Variants in FGGY observed in about 807,000 individuals in gnomAD.
FGGY encodes the protein FGGY carbohydrate kinase domain containing, also known as FGGY carbohydrate kinase domain-containing protein.
A neutral mutation model predicts 71.3 loss-of-function variants in FGGY; 72 were observed. The observed-to-expected ratio is 1.01, with a 90% CI of 0.84 to 1.23. FGGY has a LOEUF of 1.23. FGGY is among the 50% of genes most tolerant of loss of function. The pLI is 0.00. For synonymous variants in FGGY, 251 were observed against 250.3 expected (o/e 1.00, Z -0.02); for missense variants, 668 against 682.3 (o/e 0.98, Z 0.23).
intron 5 of FGGY, among the ~76,000 whole-genome samples, chr1:59,447,823 C>T (rs1260984413): frequency 6.6e-6 from 1 of 152,148 alleles, no homozygotes; most frequent in Non-Finnish European, 1.5e-5. Flanking sequence ...TTATAAATTA[C>T]CCAGTCTCAG....
chr1:59,435,745 CGTGTGTGTGTGTGTGTGT>C (rs10563712), intron 5 of FGGY, among the ~76,000 whole-genome samples: 34 of 142,248 alleles, frequency 2.4e-4, no homozygotes, highest in Non-Finnish European at 3.5e-4. Context: ...TGTGTGCCTG[CGTGTGTGTGTGTGTGTGT>C]GTGTGTGTGT....
rs541417076 is a variant in FGGY at position 59,431,783 on chromosome 1, A to G, written c.555-25178A>G. ...TCCAGGTTTGTGACACAGAGCTCCT[A>G]AAAGCCTTGTAATTTCCAGAGTGAT... On this transcript the variant is annotated intron_variant, in intron 5 of 15. Coordinates refer to ENST00000303721, the MANE Select transcript of FGGY (RefSeq NM_018291.5). Among the ~76,000 whole-genome samples the G allele has an allele frequency of 3.9e-5, 6 of 152,330 alleles. No homozygotes were observed. The East Asian group carries it at 1.2e-3, about 29-fold the overall frequency.
intron 10 of FGGY, among the ~76,000 whole-genome samples, chr1:59,636,449 G>A (rs771137901): frequency 3.3e-5 from 5 of 152,074 alleles, no homozygotes; most frequent in Non-Finnish European, 5.9e-5. Flanking sequence ...GTGAAGCCCC[G>A]TCTATACTAA....
chr1:59,305,281 T>C (rs2043282933), intron 1 of FGGY, among the ~76,000 whole-genome samples: 2 of 152,228 alleles, frequency 1.3e-5, no homozygotes, highest in Admixed American at 1.3e-4. Context: ...TGTTGAATTT[T>C]GTCAAATGCT....
chr1:59,492,052 C>T (rs1403133436), intron 6 of FGGY, among the ~76,000 whole-genome samples: 1 of 152,114 alleles, frequency 6.6e-6, no homozygotes, highest in Non-Finnish European at 1.5e-5. Context: ...TCTCAAGTCT[C>T]AATTGTTTGA....
chr1:59,450,383 A>C (rs1487570122), intron 5 of FGGY, among the ~76,000 whole-genome samples: 1 of 152,148 alleles, frequency 6.6e-6, no homozygotes, highest in Non-Finnish European at 1.5e-5. Context: ...AAAGAAATTT[A>C]TGTCTGTTGT....
chr1:59,571,219 G>A (rs1175933451), intron 8 of FGGY, among the ~76,000 whole-genome samples: 1 of 152,200 alleles, frequency 6.6e-6, no homozygotes, highest in Admixed American at 6.5e-5. Context: ...TTGAAATAAG[G>A]AAAATGTAGT....
At chr1:59,496,385 A>G (rs2094032458) in intron 6 of FGGY, among the ~76,000 whole-genome samples, 1 of 152,222 alleles carries the variant, frequency 6.6e-6, no homozygotes, top group Non-Finnish European at 1.5e-5. Context: ...AGCAACATGA[A>G]TGGAGCTGGA....
intron 8 of FGGY, among the ~76,000 whole-genome samples, chr1:59,564,009 C>G (rs563161791): frequency 1.1e-3 from 161 of 152,190 alleles, no homozygotes; most frequent in African/African-American, 3.7e-3. Context: ...GAAACTGGAC[C>G]CCTTCCTTAC....
intron 8 of FGGY, among the ~76,000 whole-genome samples, chr1:59,580,819 T>C (rs2096180110): frequency 6.6e-6 from 1 of 152,180 alleles, no homozygotes; most frequent in Non-Finnish European, 1.5e-5. Flanking sequence ...TATATGTTAT[T>C]CATTTTCTTC....
Position 59,750,746 on chromosome 1 carries a change from G to A in FGGY, c.1513-7185G>A, listed in dbSNP as rs576454221. Among the ~76,000 whole-genome samples the A allele has an allele frequency of 7.2e-5, 11 of 152,196 alleles. No homozygotes were observed. In the East Asian group the frequency reaches 9.6e-4, roughly 13 times the overall value. Reference sequence around the variant, plus strand: ...AGAACAACTAGCCATTTCTTAATGCGTGTTGAAGGAAAGTCACATTGATAT... The same window carrying A: ...AGAACAACTAGCCATTTCTTAATGCATGTTGAAGGAAAGTCACATTGATAT... On this transcript the variant is annotated intron_variant, in intron 14 of 15. Transcript: ENST00000303721.
At chr1:59,389,585 T>C (rs1234580197) in intron 5 of FGGY, among the ~76,000 whole-genome samples, 1 of 152,188 alleles carries the variant, frequency 6.6e-6, no homozygotes. Context: ...TTTTAGTTCT[T>C]TTTGGTGTAT....
At chr1:59,378,673 A>C in intron 4 of FGGY, 76 bp from the exon 5 acceptor site, 1 of 1,400,676 alleles carries the variant, frequency 7.1e-7, no homozygotes, top group Non-Finnish European at 9.9e-7. Context: ...TTGTTTTGAA[A>C]AATTTGAAAC....
At chr1:59,318,079 C>T (rs1221086646) in intron 1 of FGGY, among the ~76,000 whole-genome samples, 1 of 152,120 alleles carries the variant, frequency 6.6e-6, no homozygotes, top group Non-Finnish European at 1.5e-5. Flanking sequence ...AAGGTTAGGG[C>T]TGATGGAACC....
At chr1:59,735,412 G>A (rs557853699) in intron 14 of FGGY, among the ~76,000 whole-genome samples, 1 of 152,328 alleles carries the variant, frequency 6.6e-6, no homozygotes, top group African/African-American at 2.4e-5. Flanking sequence ...TCTAGTCCTT[G>A]CTTTGACACC....
At chr1:59,699,992 C>T (rs911991774) in intron 14 of FGGY, among the ~76,000 whole-genome samples, 2 of 152,210 alleles carry the variant, frequency 1.3e-5, no homozygotes, top group South Asian at 2.1e-4. Context: ...TTTCTTCTAG[C>T]TTCTCAGAGC....
chr1:59,461,900 T>C (rs9661091), intron 6 of FGGY, among the ~76,000 whole-genome samples: 27 of 152,262 alleles, frequency 1.8e-4, no homozygotes, highest in African/African-American at 6.5e-4. Context: ...TATGTATACA[T>C]GTGCCATGCT....
chr1:59,544,740 G>A (rs1292738508), intron 7 of FGGY, among the ~76,000 whole-genome samples: 9 of 152,200 alleles, frequency 5.9e-5, no homozygotes, highest in Admixed American at 4.6e-4. Context: ...ACAGAAGTTT[G>A]CACAGGAAAC....
chr1:59,698,824 T>C, intron 14 of FGGY: 3 of 985,406 alleles, frequency 3.0e-6, no homozygotes, highest in Non-Finnish European at 2.4e-6. Context: ...TTTTAATATG[T>C]GTGTGCCCAC....
Sources: gnomAD v4.1 joint callset for allele counts (sites outside exome capture counted in the v4.1 genomes callset) on GRCh38, gnomAD v4.1.1 for gene constraint, MANE v1.5 for transcripts, NCBI Gene and HGNC (gene_info 2026-07-23, HGNC 2026-07-21) for gene names.